CCDC66: variants seen among roughly 807,000 people sequenced by gnomAD.
CCDC66 encodes the protein coiled-coil domain containing 66, also known as coiled-coil domain-containing protein 66.
CCDC66 carries 133 observed loss-of-function variants against 128.3 expected under a neutral mutation model. That is an observed-to-expected ratio of 1.04 (90% CI 0.90 to 1.20). The LOEUF (loss-of-function observed/expected upper bound fraction) is 1.20, where lower values mean the gene tolerates loss of function less well. CCDC66 is among the 50% of genes most tolerant of loss of function. The pLI, the probability that CCDC66 is intolerant of heterozygous loss-of-function variation, is 0.00. For synonymous variants in CCDC66, 387 were observed against 357.0 expected, an observed-to-expected ratio of 1.08 and a Z score of -0.95; for missense variants, 1,126 against 1,075.5, an observed-to-expected ratio of 1.05 and a Z score of -0.66.
In CCDC66 at chr3:56,572,175, A is replaced by G. The variant is rs916557342; in HGVS notation, c.936+873A>G. 7.9e-5 allele frequency among the ~76,000 whole-genome samples: 12 copies of G among 152,370 alleles called. No individual in the cohort carries two copies. The South Asian group carries it at 1.4e-3, about 18-fold the overall frequency. On this transcript the variant is annotated intron_variant, in intron 7 of 17. Coordinates refer to ENST00000394672, the MANE Select transcript of CCDC66 (RefSeq NM_001141947.3). Reference sequence around the variant, plus strand: ...GAGCTGTGCAATTTTTGAAATGAATACAAAACTCTGCCACTATGTGTAAGT... The same window carrying G: ...GAGCTGTGCAATTTTTGAAATGAATGCAAAACTCTGCCACTATGTGTAAGT...
At chr3:56,604,193 T>G (rs1414098455) in intron 10 of CCDC66, among the ~76,000 whole-genome samples, 1 of 152,096 alleles carries the variant, frequency 6.6e-6, no homozygotes, top group East Asian at 1.9e-4. Context: ...ATGGGTCTCC[T>G]GAATACAGCA....
In CCDC66 at chr3:56,590,597, C is replaced by T. The variant is rs963909297; in HGVS notation, c.937-2373C>T. 2.0e-5 allele frequency among the ~76,000 whole-genome samples: 3 copies of T among 151,688 alleles called. No individual in the cohort carries two copies. The South Asian group carries it at 6.3e-4, about 32-fold the overall frequency. On this transcript the variant is annotated intron_variant, in intron 7 of 17. Coordinates refer to ENST00000394672, the MANE Select transcript of CCDC66 (RefSeq NM_001141947.3). ...ACAACATGATAAAATCCTGTCTCTA[C>T]AAAAAAATAAAAATAGCCGGGTGTG...
rs1482273081 is a variant in CCDC66, at chr3:56,621,681, G to A, written c.*63G>A. ...TTCCAAATTATAAAATGTGCTCACTGGCTCAACTGTATTTTTCAAATAGCC... is the reference window on the plus strand; with the variant it reads ...TTCCAAATTATAAAATGTGCTCACTAGCTCAACTGTATTTTTCAAATAGCC... On this transcript the variant is annotated 3_prime_UTR_variant, in exon 18 of 18. Transcript: ENST00000394672. 1.8e-6 allele frequency: 2 copies of A among 1,126,604 alleles called. No homozygotes were observed. The highest frequency in any genetic ancestry group is 2.6e-6 in the Non-Finnish European group (2 of 772,108). 69.8% of individuals were successfully genotyped at this position (1,126,604 alleles called of 1,614,324 possible). A position where few individuals can be genotyped will look rare whatever the true frequency, so the allele number is the denominator to read the frequency against.
At position 56,616,900 on chromosome 3, in the gene CCDC66, A is replaced by G. The variant is rs376036034; in HGVS notation, c.1844-212A>G. ...TGATGTTGAGCATCTTTTCATGATTATCAGTTCATAGAAATGGAAATTAGA... is the reference window on the plus strand; with the variant it reads ...TGATGTTGAGCATCTTTTCATGATTGTCAGTTCATAGAAATGGAAATTAGA... On this transcript the variant is annotated intron_variant, in intron 13 of 17. Transcript: ENST00000394672. 4.2e-4 allele frequency: 182 copies of G among 432,172 alleles called. 2 individuals carry two copies. The South Asian group carries it at 7.3e-3, about 17-fold the overall frequency. 26.8% of individuals were successfully genotyped at this position (432,172 alleles called of 1,614,324 possible).
chr3:56,597,640 G>C (rs2072247534), intron 10 of CCDC66, among the ~76,000 whole-genome samples: 1 of 151,768 alleles, frequency 6.6e-6, no homozygotes, highest in East Asian at 1.9e-4. Flanking sequence ...GCTATTGTAG[G>C]TGGGATTGCC....
intron 13 of CCDC66, 147 bp from the exon 14 acceptor site, chr3:56,616,962 CTTT>C: frequency 1.8e-6 from 1 of 542,954 alleles, no homozygotes; most frequent in East Asian, 3.2e-5. Flanking sequence ...TGTGGTTGTT[CTTT>C]AATGAGTATA....
In CCDC66 at chr3:56,616,051, C is replaced by T. The variant is rs772017289; in HGVS notation, c.1841C>T (p.Thr614Ile). Reference protein sequence around the residue: ...TTSKKDTGVQTDDLNIGIFTN... With the variant: ...TTSKKDTGVQIDDLNIGIFTN... The stretch of plus-strand genomic sequence containing the variant: ...TCTAAGAAGGATACTGGTGTGCAAA[C>T]AGGTATTTGTGTGGAAATTGTGGTT... The change falls in exon 13 of 18, where the codon ACA becomes ATA. Residue 614 changes from threonine to isoleucine, a missense_variant and splice_region_variant. Thr to Ile is a moderately conservative substitution (Grantham distance 89). Transcript: ENST00000394672. The T allele has an allele frequency of 3.8e-6, 6 of 1,580,724 alleles. No individual in the cohort carries two copies. In the South Asian group the frequency reaches 5.9e-5, roughly 15 times the overall value.
intron 6 of CCDC66, among the ~76,000 whole-genome samples, chr3:56,568,023 A>T (rs1416988879): frequency 6.6e-6 from 1 of 152,158 alleles, no homozygotes; most frequent in East Asian, 1.9e-4. Flanking sequence ...GAGACCTCAA[A>T]GGTAGTAGCC....
chr3:56,612,966 GCTGCATTGTAGCT>G (rs2075044910), intron 10 of CCDC66, among the ~76,000 whole-genome samples: 1 of 152,194 alleles, frequency 6.6e-6, no homozygotes, highest in South Asian at 2.1e-4. Flanking sequence ...GGCAGTAGCA[GCTGCATTGTAGCT>G]CTGCTACTAG....
At chr3:56,620,749 A>AAG (rs1250820430) in intron 17 of CCDC66, 3 of 152,228 alleles carry the variant, frequency 2.0e-5, no homozygotes, top group Non-Finnish European at 2.9e-5. Context: ...TTGTGAGATA[A>AAG]AGAGGAAGGA....
chr3:56,575,105 T>C (rs918803838), intron 7 of CCDC66, among the ~76,000 whole-genome samples: 1 of 151,904 alleles, frequency 6.6e-6, no homozygotes, highest in Non-Finnish European at 1.5e-5. Flanking sequence ...TTAATTTTTA[T>C]GTTAAATTTT....
rs540169399 is a variant in CCDC66 at position 56,592,853 on chromosome 3, T to C, written c.937-117T>C. 2.8e-5 allele frequency: 28 copies of C among 994,588 alleles called. No individual in the cohort carries two copies. The African/African-American group carries it at 3.8e-4, about 14-fold the overall frequency. The allele number at this position is 994,588 out of a possible 1,614,324, so 61.6% of individuals were successfully genotyped here. On this transcript the variant is annotated intron_variant, in intron 7 of 17. Transcript: ENST00000394672. Reference sequence around the variant, plus strand: ...AATTCGTTTGAAGTTATTGCTCCTCTTACAGATAAATGCCTCAGTGGATTA... The same window carrying C: ...AATTCGTTTGAAGTTATTGCTCCTCCTACAGATAAATGCCTCAGTGGATTA...
chr3:56,572,785 A>G (rs1299008413), intron 7 of CCDC66: 1 of 152,710 alleles, frequency 6.5e-6, no homozygotes, highest in African/African-American at 2.4e-5. Flanking sequence ...ACTTGCCTAC[A>G]TTGAATACTT....
intron 7 of CCDC66, among the ~76,000 whole-genome samples, chr3:56,578,557 G>C (rs1559648251): frequency 6.6e-6 from 1 of 151,690 alleles, no homozygotes; most frequent in African/African-American, 2.4e-5. Flanking sequence ...GTCATAAGTA[G>C]CTCTTATTAT....
rs2070485723 is a variant in CCDC66 at position 56,589,603 on chromosome 3, GC to G, written c.937-3366del. Among the ~76,000 whole-genome samples the G allele has an allele frequency of 2.0e-5, 3 of 151,992 alleles. No homozygotes were observed. In the South Asian group the frequency reaches 6.2e-4, roughly 32 times the overall value. On this transcript the variant is annotated intron_variant, in intron 7 of 17. Coordinates refer to ENST00000394672, the MANE Select transcript of CCDC66 (RefSeq NM_001141947.3). ...ATAATAGGTAAATTTAATAAAAGTGGCTAGACACAAGAATTAATGTACCAGT... is the reference window on the plus strand; with the variant it reads ...ATAATAGGTAAATTTAATAAAAGTGGTAGACACAAGAATTAATGTACCAGT...
At chr3:56,576,531 T>C (rs895872047) in intron 7 of CCDC66, among the ~76,000 whole-genome samples, 7 of 150,486 alleles carry the variant, frequency 4.7e-5, no homozygotes, top group Non-Finnish European at 7.4e-5. Context: ...ACATTAGATA[T>C]ACCTCCTAAT....
intron 7 of CCDC66, among the ~76,000 whole-genome samples, chr3:56,584,858 G>A (rs1288907390): frequency 6.6e-6 from 1 of 151,972 alleles, no homozygotes; most frequent in East Asian, 2.0e-4. Context: ...GGGAGGCCGA[G>A]GCTGGCAGAT....
At chr3:56,584,704 G>C (rs111424971) in intron 7 of CCDC66, among the ~76,000 whole-genome samples, 58,328 of 151,798 alleles carry the variant, frequency 0.38, 13,966 homozygotes, top group Non-Finnish European at 0.54. Flanking sequence ...GCCGGGCAGA[G>C]GCTGCAATCT....
chr3:56,589,132 A>T (rs770018638), intron 7 of CCDC66, among the ~76,000 whole-genome samples: 5 of 152,202 alleles, frequency 3.3e-5, no homozygotes, highest in Non-Finnish European at 5.9e-5. Context: ...TTACCAGAGA[A>T]TATGACATTA....
Sources: gnomAD v4.1 joint callset for allele counts (sites outside exome capture counted in the v4.1 genomes callset) on GRCh38, gnomAD v4.1.1 for gene constraint, MANE v1.5 for transcripts, NCBI Gene and HGNC (gene_info 2026-07-23, HGNC 2026-07-21) for gene names.